The following AFF3 variants were observed in gnomAD, a reference collection of about 807,000 sequenced individuals.
The protein encoded by AFF3 is ALF transcription elongation factor 3, also known as AF4/FMR2 family member 3.
A neutral mutation model predicts 129.7 loss-of-function variants in AFF3; 32 were observed. The observed-to-expected ratio is 0.25, with a 90% CI of 0.19 to 0.33. The LOEUF (loss-of-function observed/expected upper bound fraction) is 0.33. Among genes scored for constraint, AFF3 ranks in the 10% least tolerant of loss-of-function variants. AFF3 has a pLI of 1.00. For missense variants in AFF3, 1,373 were observed against 1,592.0 expected, an observed-to-expected ratio of 0.86 and a Z score of 2.34; for synonymous variants, 644 against 635.4, an observed-to-expected ratio of 1.01 and a Z score of -0.20.
chr2:99,606,847 G>T (rs1374794918), intron 13 of AFF3, among the ~76,000 whole-genome samples: 1 of 147,134 alleles, frequency 6.8e-6, no homozygotes, highest in East Asian at 2.0e-4. Context: ...CCGGGAGGCG[G>T]AGCTTGCAGT....
intron 13 of AFF3, among the ~76,000 whole-genome samples, chr2:99,606,561 T>C (rs559824756): frequency 6.6e-6 from 1 of 152,048 alleles, no homozygotes; most frequent in Non-Finnish European, 1.5e-5. Flanking sequence ...AGTTTTTTTT[T>C]TAAAAAAGAG....
intron 4 of AFF3, among the ~76,000 whole-genome samples, chr2:100,031,316 T>G (rs1291685423): frequency 6.6e-6 from 1 of 152,178 alleles, no homozygotes; most frequent in Non-Finnish European, 1.5e-5. Context: ...GGATTACACA[T>G]ATGCAACGGA....
intron 4 of AFF3, among the ~76,000 whole-genome samples, chr2:100,072,517 C>G (rs1559105617): frequency 6.6e-6 from 1 of 152,172 alleles, no homozygotes. Context: ...CCATGGAGAG[C>G]TGATCCTGAG....
At chr2:100,111,063 C>A (rs1691495110) in intron 2 of AFF3, among the ~76,000 whole-genome samples, 3 of 152,188 alleles carry the variant, frequency 2.0e-5, no homozygotes, top group African/African-American at 7.2e-5. Flanking sequence ...CTAAAGTTGG[C>A]AAGTCTGAAG....
intron 8 of AFF3, among the ~76,000 whole-genome samples, chr2:99,825,796 T>A (rs1346189962): frequency 5.3e-5 from 8 of 152,140 alleles, no homozygotes; most frequent in South Asian, 2.1e-4. Flanking sequence ...CCCTCAGGGG[T>A]TAGCATGTGA....
Position 99,549,179 on chromosome 2 carries a change from G to C in AFF3, c.*2295C>G. ...TTTATGTGTTTGAATATTTCATCAG[G>C]ATTCTTCAAGAGTAGGTAGAACAAA... On this transcript the variant is annotated 3_prime_UTR_variant, in exon 25 of 25. Coordinates refer to ENST00000672756, the MANE Select transcript of AFF3 (RefSeq NM_001386135.1). The C allele has an allele frequency of 4.6e-6, 1 of 216,924 alleles. No homozygotes were observed. Among genetic ancestry groups the C allele is most frequent in the Non-Finnish European group, 9.3e-6 (1 of 107,796 alleles). 13.4% of individuals were successfully genotyped at this position (216,924 alleles called of 1,614,324 possible).
At chr2:100,033,754 C>T (rs893615829) in intron 4 of AFF3, among the ~76,000 whole-genome samples, 4 of 152,092 alleles carry the variant, frequency 2.6e-5, no homozygotes, top group South Asian at 2.1e-4. Flanking sequence ...GAATTCATCA[C>T]GATTAATAAA....
chr2:99,936,522 G>T (rs577600628), intron 7 of AFF3, among the ~76,000 whole-genome samples: 1 of 152,142 alleles, frequency 6.6e-6, no homozygotes, highest in Non-Finnish European at 1.5e-5. Context: ...TGACAAGGAC[G>T]GGAGGAAATG....
rs774845734 is a variant in AFF3 at position 100,006,812 on chromosome 2, C to T, written c.693G>A (p.Pro231=). 11 of 1,614,186 alleles carry T rather than the reference C, an allele frequency of 6.8e-6. No homozygotes were observed. Among genetic ancestry groups the T allele is most frequent in the East Asian group, 4.5e-5 (2 of 44,872 alleles). The change falls in exon 7 of 25, where the codon CCG becomes CCA. Residue 231 remains proline, a synonymous_variant. Transcript: ENST00000672756. ...ASKPSLVQQK[P]TAYVRPMDGQ... Reference sequence around the variant, plus strand: ...CGTCCATTGGCCTCACATACGCGGTCGGTTTCTGCTGGACCAGGCTGGGTT... The same window carrying T: ...CGTCCATTGGCCTCACATACGCGGTTGGTTTCTGCTGGACCAGGCTGGGTT...
intron 8 of AFF3, among the ~76,000 whole-genome samples, chr2:99,821,948 G>A (rs1687719760): frequency 1.3e-5 from 2 of 152,112 alleles, no homozygotes; most frequent in African/African-American, 4.8e-5. Context: ...TTTCCCCAAG[G>A]CTGTGAGAAA....
Position 100,137,035 on chromosome 2 carries a change from G to A in AFF3, c.-228+5449C>T, listed in dbSNP as rs912127325. 1.8e-4 allele frequency among the ~76,000 whole-genome samples: 27 copies of A among 152,010 alleles called. No individual in the cohort carries two copies. The East Asian group carries it at 4.8e-3, about 27-fold the overall frequency. On this transcript the variant is annotated intron_variant, in intron 1 of 24. Coordinates refer to ENST00000672756, the MANE Select transcript of AFF3 (RefSeq NM_001386135.1). ...CTGACCTTTTTCTTTTTGCCATAAG[G>A]AATCTATTTATATATAAAGAATTCT...
chr2:99,609,934 CTGTCT>C (rs1680755146), intron 13 of AFF3, among the ~76,000 whole-genome samples: 1 of 152,182 alleles, frequency 6.6e-6, no homozygotes, highest in Admixed American at 6.5e-5. Context: ...CAGCCAGCTC[CTGTCT>C]TAACTGATTG....
chr2:99,857,283 C>T lies in AFF3; in HGVS notation c.874-19759G>A, dbSNP rs115082754. ...ACAGGCACAACAGAGAGAATCAGAA[C>T]ATAATCCTGCACCCTACTTATTTGC... On this transcript the variant is annotated intron_variant, in intron 7 of 24. Transcript: ENST00000672756. Among the ~76,000 whole-genome samples, 713 of 152,310 alleles carry T rather than the reference C, an allele frequency of 4.7e-3. 1 individual carries two copies. The highest frequency in any genetic ancestry group is 0.017 in the African/African-American group (689 of 41,576).
intron 2 of AFF3, among the ~76,000 whole-genome samples, chr2:100,114,782 T>C (rs1243967367): frequency 6.6e-6 from 1 of 152,312 alleles, no homozygotes; most frequent in Admixed American, 6.5e-5. Context: ...GAGCAACACA[T>C]TGAGAGCTCA....
intron 13 of AFF3, among the ~76,000 whole-genome samples, chr2:99,633,989 G>A (rs1446716219): frequency 1.4e-5 from 2 of 138,594 alleles, no homozygotes; most frequent in Admixed American, 8.3e-5. Context: ...ATCTCAGCTC[G>A]CTGCCTCCTC....
chr2:99,765,685 G>A (rs563034446), intron 8 of AFF3, among the ~76,000 whole-genome samples: 1 of 152,290 alleles, frequency 6.6e-6, no homozygotes, highest in East Asian at 1.9e-4. Flanking sequence ...TTTATAACTA[G>A]TGTTGACAGC....
intron 7 of AFF3, among the ~76,000 whole-genome samples, chr2:99,951,630 T>A (rs899764966): frequency 3.9e-5 from 6 of 152,174 alleles, no homozygotes; most frequent in African/African-American, 1.4e-4. Flanking sequence ...GTAAATACTG[T>A]CATATTACAA....
At chr2:100,010,888 C>T (rs138205419) in intron 4 of AFF3, among the ~76,000 whole-genome samples, 3 of 152,280 alleles carry the variant, frequency 2.0e-5, no homozygotes, top group African/African-American at 7.2e-5. Flanking sequence ...ACCCACACTG[C>T]AGATGGATAT....
chr2:99,893,126 T>G (rs1221399656), intron 7 of AFF3, among the ~76,000 whole-genome samples: 1 of 152,118 alleles, frequency 6.6e-6, no homozygotes, highest in East Asian at 1.9e-4. Context: ...CATTAACAGC[T>G]TTGCTAAAAA....
Sources: gnomAD v4.1 joint callset for allele counts (sites outside exome capture counted in the v4.1 genomes callset) on GRCh38, gnomAD v4.1.1 for gene constraint, MANE v1.5 for transcripts, NCBI Gene and HGNC (gene_info 2026-07-23, HGNC 2026-07-21) for gene names.